Variants in VTI1A observed in about 807,000 individuals in gnomAD.
VTI1A encodes vesicle transport through interaction with t-SNAREs 1A.
VTI1A carries 22 observed loss-of-function variants against 34.9 expected under a neutral mutation model. That is an observed-to-expected ratio of 0.63 (90% confidence interval 0.45 to 0.90). VTI1A has a LOEUF of 0.90. Ranked by LOEUF, VTI1A falls within the 40% of genes least tolerant of loss-of-function variation. VTI1A has a pLI of 0.00. For synonymous variants in VTI1A, 87 were observed against 97.3 expected, an observed-to-expected ratio of 0.89 and a Z score of 0.62; for missense variants, 268 against 275.6, an observed-to-expected ratio of 0.97 and a Z score of 0.20.
intron 7 of VTI1A, among the ~76,000 whole-genome samples, chr10:112,771,751 T>C (rs917725444): frequency 9.9e-5 from 15 of 152,216 alleles, no homozygotes; most frequent in Admixed American, 5.2e-4. Context: ...TTCTGTTTTC[T>C]CTATAGATGT....
chr10:112,840,504 C>T, the VTI1A span, among the ~76,000 whole-genome samples: 5 of 152,238 alleles, frequency 3.3e-5, no homozygotes, highest in African/African-American at 4.8e-5. Flanking sequence ...CGCTTGTTCT[C>T]ATTGGCTGCT....
chr10:112,834,784 A>G, the VTI1A span, among the ~76,000 whole-genome samples: 7 of 152,194 alleles, frequency 4.6e-5, no homozygotes, highest in African/African-American at 1.4e-4. Context: ...GTGCCAGGAG[A>G]CCAGCTCCTG....
chr10:112,549,608 T>C (rs1851268964), intron 5 of VTI1A, among the ~76,000 whole-genome samples: 2 of 152,210 alleles, frequency 1.3e-5, no homozygotes, highest in African/African-American at 4.8e-5. Flanking sequence ...GAAAAAATTG[T>C]CTATAGAAAT....
intron 7 of VTI1A, among the ~76,000 whole-genome samples, chr10:112,711,984 T>A (rs1849433146): frequency 6.6e-6 from 1 of 152,202 alleles, no homozygotes; most frequent in Non-Finnish European, 1.5e-5. Flanking sequence ...TAGAAATCAT[T>A]TATAAGCAGT....
intron 5 of VTI1A, among the ~76,000 whole-genome samples, chr10:112,637,493 A>G (rs1217733775): frequency 3.3e-5 from 5 of 152,172 alleles, no homozygotes; most frequent in African/African-American, 1.2e-4. Context: ...CCCCATCTCT[A>G]CTAAACATAC....
rs2134100108 is a variant in VTI1A at position 112,818,000 on chromosome 10, T to G, written c.*2617T>G. 4.3e-6 allele frequency: 1 copy of G among 233,334 alleles called. No homozygotes were observed. The highest frequency in any genetic ancestry group is 2.2e-5 in the African/African-American group (1 of 45,458). 14.5% of individuals were successfully genotyped at this position (233,334 alleles called of 1,614,324 possible). On this transcript the variant is annotated 3_prime_UTR_variant, in exon 8 of 8. Transcript: ENST00000393077. ...AATCAAAAGCAATTTAATTAAAGTC[T>G]CTTAAGTTGTAAAGAGTTTTAAATG...
At position 112,736,109 on chromosome 10, in the gene VTI1A, G is replaced by GTATATATA. The variant is rs1181090787; in HGVS notation, c.560+67112_560+67113insATATATAT. On this transcript the variant is annotated intron_variant, in intron 7 of 7. Coordinates refer to ENST00000393077, the MANE Select transcript of VTI1A (RefSeq NM_145206.4). The stretch of plus-strand genomic sequence containing the variant: ...GTATATTTTACATATATATGTGTGT[G>GTATATATA]TGTATATATATATATATATATATAT... 9.5e-3 allele frequency among the ~76,000 whole-genome samples: 1,104 copies of GTATATATA among 116,710 alleles called. 9 individuals are homozygous for GTATATATA. Among genetic ancestry groups the GTATATATA allele is most frequent in the East Asian group, 0.018 (74 of 4,062 alleles). The allele number at this position is 116,710 out of a possible 152,430, so 76.6% of individuals were successfully genotyped here. A position where few individuals can be genotyped will look rare whatever the true frequency, so the allele number is the denominator to read the frequency against.
rs149198707 is a variant in VTI1A at position 112,614,477 on chromosome 10, A to G, written c.428-53741A>G. ...GAAAGAGACCGCCCATGGCTTCATC[A>G]TGCCTGGTGGTTGGCTCACCAACTT... On this transcript the variant is annotated intron_variant, in intron 5 of 7. Coordinates refer to ENST00000393077, the MANE Select transcript of VTI1A (RefSeq NM_145206.4). Among the ~76,000 whole-genome samples, 996 of 152,336 alleles carry G rather than the reference A, an allele frequency of 6.5e-3. 14 individuals are homozygous for G. Among genetic ancestry groups the G allele is most frequent in the African/African-American group, 0.023 (952 of 41,568 alleles).
At chr10:112,632,477 C>A (rs888920673) in intron 5 of VTI1A, among the ~76,000 whole-genome samples, 1 of 152,098 alleles carries the variant, frequency 6.6e-6, no homozygotes, top group South Asian at 2.1e-4. Flanking sequence ...ACAAAGGTTT[C>A]TTTTTTATTT....
At chr10:112,719,535 A>G (rs904491845) in intron 7 of VTI1A, among the ~76,000 whole-genome samples, 6 of 152,038 alleles carry the variant, frequency 3.9e-5, no homozygotes, top group African/African-American at 1.4e-4. Flanking sequence ...CATCACCACA[A>G]ACAATTGTAG....
At chr10:112,687,006 T>C (rs1848438628) in intron 7 of VTI1A, among the ~76,000 whole-genome samples, 1 of 152,056 alleles carries the variant, frequency 6.6e-6, no homozygotes, top group Non-Finnish European at 1.5e-5. Flanking sequence ...TCTCAGATGC[T>C]CTGTGGGCAC....
intron 7 of VTI1A, among the ~76,000 whole-genome samples, chr10:112,716,709 C>T (rs1040513708): frequency 1.3e-5 from 2 of 152,138 alleles, no homozygotes; most frequent in Non-Finnish European, 1.5e-5. Context: ...AAAAGGAATA[C>T]TCACTGGAGC....
intron 7 of VTI1A, among the ~76,000 whole-genome samples, chr10:112,742,241 C>T (rs988112365): frequency 6.0e-5 from 9 of 149,870 alleles, no homozygotes; most frequent in African/African-American, 2.0e-4. Flanking sequence ...AATAAGTTGA[C>T]AAGTGGTTTG....
chr10:112,777,348 A>G (rs950643044), intron 7 of VTI1A, among the ~76,000 whole-genome samples: 7 of 152,180 alleles, frequency 4.6e-5, no homozygotes, highest in Non-Finnish European at 4.4e-5. Flanking sequence ...TAGGCCCACT[A>G]TAGAAAATTT....
intron 7 of VTI1A, among the ~76,000 whole-genome samples, chr10:112,687,289 A>G (rs1848449767): frequency 8.2e-6 from 1 of 121,638 alleles, no homozygotes; most frequent in Non-Finnish European, 1.6e-5. Context: ...GCCGGAGTGC[A>G]GTGGCGCGAT....
chr10:112,589,440 CCCAG>C, intron 5 of VTI1A, among the ~76,000 whole-genome samples: 1 of 151,994 alleles, frequency 6.6e-6, no homozygotes, highest in African/African-American at 2.4e-5. Flanking sequence ...GTAAGTTCCA[CCCAG>C]CCACATGGAA....
At chr10:112,655,997 G>A (rs1847215534) in intron 5 of VTI1A, among the ~76,000 whole-genome samples, 1 of 152,174 alleles carries the variant, frequency 6.6e-6, no homozygotes, top group Admixed American at 6.5e-5. Context: ...GGCCTTTAAA[G>A]CAAATACATG....
At chr10:112,810,091 TG>T (rs1853230664) in intron 7 of VTI1A, among the ~76,000 whole-genome samples, 1 of 151,702 alleles carries the variant, frequency 6.6e-6, no homozygotes, top group East Asian at 1.9e-4. Flanking sequence ...AAGGGTGGTT[TG>T]ATTTAAAAAA....
At chr10:112,815,163 A>ACACG in intron 7 of VTI1A, 127 bp from the exon 8 acceptor site, 1 of 545,768 alleles carries the variant, frequency 1.8e-6, no homozygotes, top group South Asian at 1.7e-5. Context: ...ACACACACAC[A>ACACG]CACACACACG....
Sources: gnomAD v4.1 joint callset for allele counts (sites outside exome capture counted in the v4.1 genomes callset) on GRCh38, gnomAD v4.1.1 for gene constraint, MANE v1.5 for transcripts, NCBI Gene and HGNC (gene_info 2026-07-23, HGNC 2026-07-21) for gene names.